NIPSNAP2: variants seen among roughly 807,000 people sequenced by gnomAD.
The protein encoded by NIPSNAP2 is nipsnap homolog 2, also known as protein NipSnap homolog 2.
Under a neutral mutation model 48.4 loss-of-function variants are expected in NIPSNAP2, and 42 were observed. The observed-to-expected ratio is 0.87, with a 90% CI of 0.68 to 1.12. The LOEUF (loss-of-function observed/expected upper bound fraction) is 1.12, where lower values mean the gene tolerates loss of function less well. NIPSNAP2 is among the 50% of genes most tolerant of loss of function. The pLI is 0.00. For synonymous variants in NIPSNAP2, 158 were observed against 126.6 expected (o/e 1.25, Z -1.67); for missense variants, 314 against 347.3 (o/e 0.90, Z 0.76).
chr7:55,975,146 A>G (rs1291490363), intron 1 of NIPSNAP2, among the ~76,000 whole-genome samples: 2 of 151,822 alleles, frequency 1.3e-5, no homozygotes, highest in Non-Finnish European at 1.5e-5. Context: ...TGAGGCCAGG[A>G]GTTCAAGGCC....
Position 55,989,258 on chromosome 7 carries a change from C to T in NIPSNAP2, c.617+4380C>T, listed in dbSNP as rs147850013. Among the ~76,000 whole-genome samples the T allele has an allele frequency of 1.8e-3, 277 of 152,300 alleles. 2 individuals are homozygous for T. Among genetic ancestry groups the T allele is most frequent in the African/African-American group, 6.0e-3 (251 of 41,574 alleles). ...GATTACAATTGTAACAAAATACCAG[C>T]TTTCACCATTATGATTTAATACCGT... On this transcript the variant is annotated intron_variant, in intron 7 of 9. Transcript: ENST00000322090.
chr7:55,998,161 A>G (rs955732711), intron 9 of NIPSNAP2, among the ~76,000 whole-genome samples: 2 of 151,968 alleles, frequency 1.3e-5, no homozygotes, highest in Non-Finnish European at 2.9e-5. Context: ...TCCATTTGAG[A>G]GACTGAGGCA....
chr7:55,973,343 G>A (rs1787048581), intron 1 of NIPSNAP2, among the ~76,000 whole-genome samples: 1 of 151,726 alleles, frequency 6.6e-6, no homozygotes, highest in South Asian at 2.1e-4. Flanking sequence ...TGCATTTACT[G>A]GTATTGTTAT....
chr7:55,997,221 G>A, intron 8 of NIPSNAP2, 145 bp from the exon 9 acceptor site: 1 of 493,176 alleles, frequency 2.0e-6, no homozygotes. Context: ...ATTTTGCTCA[G>A]AATTTCCCCA....
chr7:55,989,004 A>G (rs1477657366), intron 7 of NIPSNAP2, among the ~76,000 whole-genome samples: 1 of 152,202 alleles, frequency 6.6e-6, no homozygotes. Context: ...TTGGATCATC[A>G]AAGGCTAAAT....
At chr7:55,971,287 T>C (rs1392813582) in intron 1 of NIPSNAP2, among the ~76,000 whole-genome samples, 4 of 152,170 alleles carry the variant, frequency 2.6e-5, no homozygotes, top group Non-Finnish European at 5.9e-5. Flanking sequence ...ACTGGCCGGC[T>C]TGTTTTTCAT....
At chr7:55,976,019 G>A (rs1787100123) in intron 1 of NIPSNAP2, among the ~76,000 whole-genome samples, 1 of 148,012 alleles carries the variant, frequency 6.8e-6, no homozygotes, top group Non-Finnish European at 1.5e-5. Flanking sequence ...CCTGGCAACA[G>A]AGCGAGATTC....
intron 1 of NIPSNAP2, among the ~76,000 whole-genome samples, chr7:55,973,587 A>G (rs910116947): frequency 5.3e-5 from 8 of 151,276 alleles, no homozygotes; most frequent in Non-Finnish European, 1.0e-4. Context: ...CGATTCTCCT[A>G]CCTCAGCCTC....
chr7:55,987,099 G>A (rs1371749588), intron 7 of NIPSNAP2, among the ~76,000 whole-genome samples: 1 of 151,604 alleles, frequency 6.6e-6, no homozygotes, highest in Non-Finnish European at 1.5e-5. Context: ...GGGAGGTGGA[G>A]ACTGCAGTGA....
rs1214046383 is a variant in NIPSNAP2 at position 55,964,613 on chromosome 7, G to T, written c.4G>T (p.Ala2Ser). 2 of 1,036,312 alleles carry T rather than the reference G, an allele frequency of 1.9e-6. No individual in the cohort carries two copies. The highest frequency in any genetic ancestry group is 2.3e-6 in the Non-Finnish European group (2 of 864,540). The allele number at this position is 1,036,312 out of a possible 1,614,324, so 64.2% of individuals were successfully genotyped here. A position where few individuals can be genotyped will look rare whatever the true frequency, so the allele number is the denominator to read the frequency against. The part of the protein sequence containing the change: M[A>S]ARVLRARGAA... Reference sequence around the variant, plus strand: ...GGGAGCCGAGGCGCCGAGCAAGATGGCGGCGCGAGTGCTGCGCGCCCGCGG... The same window carrying T: ...GGGAGCCGAGGCGCCGAGCAAGATGTCGGCGCGAGTGCTGCGCGCCCGCGG... Residue 2 changes from alanine to serine, a missense_variant, in exon 1 of 10, where the codon GCG becomes TCG. By Grantham distance (99) the Ala-to-Ser change is moderately conservative (BLOSUM62 1). Coordinates refer to ENST00000322090, the MANE Select transcript of NIPSNAP2 (RefSeq NM_001483.3).
At position 55,997,436 on chromosome 7, in the gene NIPSNAP2, G is replaced by A. The variant is rs951783942; in HGVS notation, c.783G>A (p.Leu261=). 4 of 1,611,854 alleles carry A rather than the reference G, an allele frequency of 2.5e-6. No homozygotes were observed. Among genetic ancestry groups the A allele is most frequent in the Non-Finnish European group, 2.5e-6 (3 of 1,178,178 alleles). ...GGCACAAACATGGCTGGGAGGAATT[G>A]GTATATTACACAGGTAATCTCTTAA... The part of the protein sequence containing the change: ...AAWHKHGWEE[L]VYYTVPLIQE... The change falls in exon 9 of 10, where the codon TTG becomes TTA. Residue 261 remains leucine (L), a synonymous_variant. Coordinates refer to ENST00000322090, the MANE Select transcript of NIPSNAP2 (RefSeq NM_001483.3).
chr7:55,991,062 A>G lies in NIPSNAP2; in HGVS notation c.618-3832A>G, dbSNP rs1420767450. 2.0e-5 allele frequency among the ~76,000 whole-genome samples: 3 copies of G among 152,028 alleles called. No individual in the cohort carries two copies. The East Asian group carries it at 5.8e-4, about 29-fold the overall frequency. ...TGCCTCAGCATCCCAAAGTGCTGGG[A>G]TTACAGGTGTGAGCCACCGCGCTCG... On this transcript the variant is annotated intron_variant, in intron 7 of 9. Coordinates refer to ENST00000322090, the MANE Select transcript of NIPSNAP2 (RefSeq NM_001483.3).
intron 3 of NIPSNAP2, chr7:55,978,891 C>CA: frequency 1.3e-5 from 2 of 153,572 alleles, no homozygotes; most frequent in Non-Finnish European, 2.9e-5. Flanking sequence ...CAAGTCCCTT[C>CA]CGCTGATTCT....
chr7:55,997,234 C>T, intron 8 of NIPSNAP2, 132 bp from the exon 9 acceptor site: 1 of 607,120 alleles, frequency 1.6e-6, no homozygotes, highest in Non-Finnish European at 2.9e-6. Context: ...TTTCCCCAGC[C>T]CAGTATATTA....
At chr7:55,984,262 T>A (rs1264787495) in intron 6 of NIPSNAP2, among the ~76,000 whole-genome samples, 2 of 152,142 alleles carry the variant, frequency 1.3e-5, no homozygotes, top group East Asian at 3.8e-4. Context: ...GAAATTTTCC[T>A]ACTGAGGACT....
intron 7 of NIPSNAP2, among the ~76,000 whole-genome samples, chr7:55,988,163 G>T (rs1787369351): frequency 6.6e-6 from 1 of 152,078 alleles, no homozygotes; most frequent in South Asian, 2.1e-4. Flanking sequence ...TTGGGAGGCT[G>T]AGGCACGAGA....
chr7:55,989,774 C>T (rs1363677967), intron 7 of NIPSNAP2, among the ~76,000 whole-genome samples: 2 of 152,020 alleles, frequency 1.3e-5, no homozygotes, highest in Non-Finnish European at 2.9e-5. Flanking sequence ...TTCTTTTTAC[C>T]AGTCTCCATA....
At chr7:55,979,019 G>A (rs1787159768) in intron 3 of NIPSNAP2, 1 of 152,276 alleles carries the variant, frequency 6.6e-6, no homozygotes, top group Non-Finnish European at 1.5e-5. Context: ...CCCATGGTGA[G>A]CAAATGTGAA....
At position 55,978,406 on chromosome 7, in the gene NIPSNAP2, CA is replaced by C. The variant is rs781439599; in HGVS notation, c.278+14del. 17 of 1,600,926 alleles carry C rather than the reference CA, an allele frequency of 1.1e-5. No homozygotes were observed. Among genetic ancestry groups the C allele is most frequent in the Non-Finnish European group, 1.4e-5 (17 of 1,173,364 alleles). On this transcript the variant is annotated intron_variant, in intron 3 of 9. Coordinates refer to ENST00000322090, the MANE Select transcript of NIPSNAP2 (RefSeq NM_001483.3). The stretch of plus-strand genomic sequence containing the variant: ...ATACAACAAAATTTGGTGTGTATAC[CA>C]AACTATCCTTTACTTGGGGAAAAAT...
Sources: gnomAD v4.1 joint callset for allele counts (sites outside exome capture counted in the v4.1 genomes callset) on GRCh38, gnomAD v4.1.1 for gene constraint, MANE v1.5 for transcripts, NCBI Gene and HGNC (gene_info 2026-07-23, HGNC 2026-07-21) for gene names.